Variants in DLGAP2 observed in about 807,000 individuals in gnomAD.
DLGAP2 encodes disks large-associated protein 2.
Under a neutral mutation model 100.3 loss-of-function variants are expected in DLGAP2, and 26 were observed. The ratio of observed to expected loss-of-function variants is 0.26; its 90% CI spans 0.19 to 0.36. The LOEUF (loss-of-function observed/expected upper bound fraction) is 0.36. Ranked by LOEUF, DLGAP2 falls within the 10% of genes least tolerant of loss-of-function variation. The probability of loss-of-function intolerance (pLI) is 1.00; values close to 1 mark genes in which losing one functional copy is unlikely to be tolerated. For synonymous variants in DLGAP2, 886 were observed against 630.1 expected (o/e 1.41, Z -6.08); for missense variants, 1,858 against 1,453.2 (o/e 1.28, Z -4.53).
intron 4 of DLGAP2, among the ~76,000 whole-genome samples, chr8:1,528,286 G>GT (rs1402844373): frequency 6.6e-6 from 1 of 152,218 alleles, no homozygotes; most frequent in Admixed American, 6.5e-5. Context: ...AGGAGGACAA[G>GT]TATCCCAGGA....
At chr8:1,099,478 G>A (rs747197460) in intron 2 of DLGAP2, among the ~76,000 whole-genome samples, 2 of 152,338 alleles carry the variant, frequency 1.3e-5, no homozygotes, top group East Asian at 1.9e-4. Context: ...ACTCGGTGCC[G>A]ACCTCAGCCC....
intron 7 of DLGAP2, among the ~76,000 whole-genome samples, chr8:1,627,970 C>G (rs1398627042): frequency 1.4e-5 from 2 of 143,154 alleles, no homozygotes. Flanking sequence ...CACATTCTCT[C>G]TGACTTACTG....
intron 6 of DLGAP2, among the ~76,000 whole-genome samples, chr8:1,581,626 G>C (rs1265831503): frequency 6.7e-6 from 1 of 148,598 alleles, no homozygotes; most frequent in Non-Finnish European, 1.5e-5. Context: ...GAAGGATACA[G>C]ACAAAACACC....
At chr8:1,697,449 T>G in intron 14 of DLGAP2, 150 bp downstream of exon 14, 1 of 1,134,844 alleles carries the variant, frequency 8.8e-7, no homozygotes, top group Non-Finnish European at 1.2e-6. Flanking sequence ...TGCACATGTG[T>G]ATACGCACAT....
At chr8:1,616,551 G>C (rs1584998110) in intron 6 of DLGAP2, among the ~76,000 whole-genome samples, 1 of 152,154 alleles carries the variant, frequency 6.6e-6, no homozygotes, top group Non-Finnish European at 1.5e-5. Context: ...CTGCCTTATT[G>C]TCAGAAGCAA....
At chr8:1,329,513 G>A (rs1288205564) in intron 3 of DLGAP2, among the ~76,000 whole-genome samples, 1 of 152,174 alleles carries the variant, frequency 6.6e-6, no homozygotes, top group African/African-American at 2.4e-5. Flanking sequence ...TAGAGAGTGT[G>A]TGCATGTGTG....
At chr8:1,191,879 T>A (rs1199071722) in intron 2 of DLGAP2, among the ~76,000 whole-genome samples, 1 of 152,190 alleles carries the variant, frequency 6.6e-6, no homozygotes, top group Non-Finnish European at 1.5e-5. Context: ...GCGCCTTTAT[T>A]CTTGGTGCAG....
intron 2 of DLGAP2, among the ~76,000 whole-genome samples, chr8:1,229,341 T>G (rs73670681): frequency 0.02 from 3,119 of 152,236 alleles, 120 homozygotes; most frequent in African/African-American, 0.071. Context: ...AATTCAAGTA[T>G]GAATCCATCT....
At chr8:780,721 C>G (rs762383184) in intron 1 of DLGAP2, among the ~76,000 whole-genome samples, 5 of 152,236 alleles carry the variant, frequency 3.3e-5, no homozygotes, top group Admixed American at 6.5e-5. Context: ...TTTGGAAACT[C>G]ACAGCACATT....
chr8:1,353,956 T>C lies in DLGAP2; in HGVS notation c.106+95073T>C, dbSNP rs151087299. Among the ~76,000 whole-genome samples, 777 of 152,336 alleles carry C rather than the reference T, an allele frequency of 5.1e-3. 10 individuals carry two copies. Among genetic ancestry groups the C allele is most frequent in the African/African-American group, 0.018 (730 of 41,564 alleles). On this transcript the variant is annotated intron_variant, in intron 3 of 14. Transcript: ENST00000637795. ...AAGAAAAATTTCCAGCGTCACTAGC[T>C]ATGAAGTAAGTGGACGTTTTTTTAA...
chr8:1,415,053 G>T (rs909551731), intron 3 of DLGAP2, among the ~76,000 whole-genome samples: 7 of 152,168 alleles, frequency 4.6e-5, no homozygotes, highest in Admixed American at 3.9e-4. Flanking sequence ...TTTGATCCCT[G>T]TATTATACTT....
intron 1 of DLGAP2, among the ~76,000 whole-genome samples, chr8:827,984 G>A (rs959077078): frequency 1.3e-5 from 2 of 152,186 alleles, no homozygotes; most frequent in Non-Finnish European, 2.9e-5. Context: ...ACAAAAACCA[G>A]CAAGTCTTTA....
chr8:1,305,374 A>T (rs1800466470), intron 3 of DLGAP2, among the ~76,000 whole-genome samples: 1 of 152,152 alleles, frequency 6.6e-6, no homozygotes, highest in South Asian at 2.1e-4. Context: ...TTTGGTTTAG[A>T]TAATTCGTGT....
At chr8:1,591,765 C>G (rs1796298627) in intron 6 of DLGAP2, among the ~76,000 whole-genome samples, 1 of 152,210 alleles carries the variant, frequency 6.6e-6, no homozygotes, top group Non-Finnish European at 1.5e-5. Context: ...TCCTGGATCT[C>G]CAGCGGGAGG....
At chr8:1,450,995 G>T (rs1798144302) in intron 3 of DLGAP2, among the ~76,000 whole-genome samples, 1 of 152,126 alleles carries the variant, frequency 6.6e-6, no homozygotes, top group Non-Finnish European at 1.5e-5. Context: ...TGACAAGGGA[G>T]TCCCAGGGTC....
At chr8:1,056,944 A>C (rs963710655) in intron 2 of DLGAP2, among the ~76,000 whole-genome samples, 1 of 152,190 alleles carries the variant, frequency 6.6e-6, no homozygotes, top group African/African-American at 2.4e-5. Flanking sequence ...GGGAGGTGAG[A>C]ATTTCCTAAC....
intron 1 of DLGAP2, among the ~76,000 whole-genome samples, chr8:882,904 C>G (rs1007941109): frequency 6.6e-6 from 1 of 152,228 alleles, no homozygotes; most frequent in Non-Finnish European, 1.5e-5. Context: ...TTTGTTGGGT[C>G]GGATCTCTGC....
intron 5 of DLGAP2, among the ~76,000 whole-genome samples, chr8:1,556,607 A>C (rs1801974724): frequency 1.3e-5 from 2 of 152,306 alleles, no homozygotes; most frequent in South Asian, 4.2e-4. Context: ...AACCCAAAGT[A>C]CAGCAGGACT....
At chr8:1,006,013 A>G (rs903686784) in intron 2 of DLGAP2, among the ~76,000 whole-genome samples, 8 of 151,864 alleles carry the variant, frequency 5.3e-5, no homozygotes, top group African/African-American at 1.9e-4. Context: ...ACATGGTGAA[A>G]CCCTGTCTCT....
Sources: gnomAD v4.1 joint callset for allele counts (sites outside exome capture counted in the v4.1 genomes callset) on GRCh38, gnomAD v4.1.1 for gene constraint, MANE v1.5 for transcripts, NCBI Gene and HGNC (gene_info 2026-07-23, HGNC 2026-07-21) for gene names.